COPB1: variants seen among roughly 807,000 people sequenced by gnomAD.
COPB1 encodes the protein coat protein complex I subunit beta 1.
Under a neutral mutation model 108.7 loss-of-function variants are expected in COPB1, and 21 were observed. That is an observed-to-expected ratio of 0.19 (90% CI 0.14 to 0.28). COPB1 has a LOEUF of 0.28. Among genes scored for constraint, COPB1 ranks in the 10% least tolerant of loss-of-function variants. The probability of loss-of-function intolerance (pLI) is 1.00; values close to 1 mark genes in which losing one functional copy is unlikely to be tolerated. For synonymous variants in COPB1, 378 were observed against 386.8 expected, an observed-to-expected ratio of 0.98 and a Z score of 0.27; for missense variants, 919 against 1,141.3, an observed-to-expected ratio of 0.81 and a Z score of 2.81.
At chr11:14,458,447 A>C in intron 21 of COPB1, 85 bp downstream of exon 21, 1 of 1,306,538 alleles carries the variant, frequency 7.7e-7, no homozygotes, top group Admixed American at 2.3e-5. Flanking sequence ...TGCTAAAAAG[A>C]TACTACATAT....
intron 11 of COPB1, among the ~76,000 whole-genome samples, chr11:14,477,393 A>AAAAAAAAAAAAAAAAAAC (rs1565017826): frequency 6.9e-6 from 1 of 144,794 alleles, no homozygotes; most frequent in Non-Finnish European, 1.5e-5. Flanking sequence ...CCGTCTCAAA[A>AAAAAAAAAAAAAAAAAAC]AAAAAAAAAA....
At chr11:14,465,436 G>A (rs1203803704) in intron 17 of COPB1, among the ~76,000 whole-genome samples, 4 of 152,074 alleles carry the variant, frequency 2.6e-5, no homozygotes, top group African/African-American at 9.7e-5. Flanking sequence ...AGGCTCAAGC[G>A]ATCCTCCTAC....
intron 2 of COPB1, among the ~76,000 whole-genome samples, chr11:14,495,969 T>A (rs952660783): frequency 1.3e-5 from 2 of 152,228 alleles, no homozygotes; most frequent in South Asian, 2.1e-4. Flanking sequence ...ATTTTAAATA[T>A]CATAAAACTG....
At chr11:14,484,229 A>G (rs898757525) in intron 7 of COPB1, among the ~76,000 whole-genome samples, 1 of 152,240 alleles carries the variant, frequency 6.6e-6, no homozygotes, top group African/African-American at 2.4e-5. Context: ...AGACTACGAT[A>G]TGACCACTGC....
rs1446984974 is a variant in COPB1 at position 14,457,544 on chromosome 11, C to T, written c.*280G>A. 5.2e-6 allele frequency: 1 copy of T among 192,302 alleles called. No homozygotes were observed. Among genetic ancestry groups the T allele is most frequent in the East Asian group, 1.3e-4 (1 of 7,550 alleles). 11.9% of individuals were successfully genotyped at this position (192,302 alleles called of 1,614,324 possible). On this transcript the variant is annotated 3_prime_UTR_variant, in exon 22 of 22. Transcript: ENST00000439561. ...ATGTAATCATTTATTTATAAAATAACAAAAATTTATGAATAGATCTGTTTA... is the reference window on the plus strand; with the variant it reads ...ATGTAATCATTTATTTATAAAATAATAAAAATTTATGAATAGATCTGTTTA...
At chr11:14,492,669 CTT>C (rs1219437727) in intron 4 of COPB1, among the ~76,000 whole-genome samples, 1 of 152,068 alleles carries the variant, frequency 6.6e-6, no homozygotes, top group East Asian at 1.9e-4. Context: ...CAGAATACCA[CTT>C]TCCTTAATGG....
Position 14,499,784 on chromosome 11 carries a change from C to A in COPB1, c.-135G>T. On this transcript the variant is annotated 5_prime_UTR_variant, in exon 1 of 22. Coordinates refer to ENST00000439561, the MANE Select transcript of COPB1 (RefSeq NM_001144061.2). ...TGGTTTGGTGCAGCCGCGGATCCGTCTACTGCGGCTCCGTCTACTCCGGCT... is the reference window on the plus strand; with the variant it reads ...TGGTTTGGTGCAGCCGCGGATCCGTATACTGCGGCTCCGTCTACTCCGGCT... 1 of 152,976 alleles carries A rather than the reference C, an allele frequency of 6.5e-6. No individual in the cohort carries two copies. The highest frequency in any genetic ancestry group is 1.5e-5 in the Non-Finnish European group (1 of 68,584). The allele number at this position is 152,976 out of a possible 1,614,324, so 9.5% of individuals were successfully genotyped here. A position where few individuals can be genotyped will look rare whatever the true frequency, so the allele number is the denominator to read the frequency against.
At chr11:14,476,152 T>C (rs1157494232) in intron 12 of COPB1, among the ~76,000 whole-genome samples, 1 of 152,240 alleles carries the variant, frequency 6.6e-6, no homozygotes, top group Non-Finnish European at 1.5e-5. Context: ...GTTTGAATTC[T>C]CACTCTGCCA....
intron 8 of COPB1, among the ~76,000 whole-genome samples, chr11:14,482,175 T>C (rs1850674810): frequency 1.3e-5 from 2 of 152,192 alleles, no homozygotes; most frequent in African/African-American, 2.4e-5. Context: ...ATTATAATTA[T>C]CAGAGAATTT....
chr11:14,490,717 G>T, intron 4 of COPB1, 38 bp from the exon 5 acceptor site: 3 of 1,127,860 alleles, frequency 2.7e-6, no homozygotes, highest in South Asian at 1.4e-5. Flanking sequence ...TTTAATAAAA[G>T]CCTACTTTAC....
intron 4 of COPB1, 134 bp downstream of exon 4, chr11:14,493,508 T>C (rs1204644815): frequency 1.5e-6 from 1 of 669,842 alleles, no homozygotes; most frequent in Non-Finnish European, 2.3e-6. Flanking sequence ...ATGTTCATAA[T>C]AAAAAATACA....
Position 14,469,079 on chromosome 11 carries a change from C to T in COPB1, c.1966-219G>A, listed in dbSNP as rs189728127. On this transcript the variant is annotated intron_variant, in intron 15 of 21. Transcript: ENST00000439561. ...GTATGATCACAGCTCACTGCAGCCT[C>T]GAACTCTTAGATTCAAACGATCCTT... 3.6e-3 allele frequency among the ~76,000 whole-genome samples: 555 copies of T among 152,260 alleles called. 9 individuals are homozygous for T. The highest frequency in any genetic ancestry group is 0.01 in the Middle Eastern group (3 of 294).
Position 14,478,375 on chromosome 11 carries a change from G to C in COPB1, c.1358+1194C>G, listed in dbSNP as rs553751571. 4.0e-5 allele frequency among the ~76,000 whole-genome samples: 6 copies of C among 149,024 alleles called. No individual in the cohort carries two copies. The South Asian group carries it at 8.6e-4, about 21-fold the overall frequency. On this transcript the variant is annotated intron_variant, in intron 11 of 21. Coordinates refer to ENST00000439561, the MANE Select transcript of COPB1 (RefSeq NM_001144061.2). ...GGATTGCTTTAGTCCAGGAGTTCGA[G>C]ACCAGCCTGGGCAACAAAGCAAGGC...
At chr11:14,458,457 T>C in intron 21 of COPB1, 75 bp downstream of exon 21, 3 of 1,396,570 alleles carry the variant, frequency 2.1e-6, no homozygotes, top group South Asian at 2.9e-5. Context: ...ATACTACATA[T>C]AGAAATAATA....
chr11:14,477,896 CA>C (rs1289045044), intron 11 of COPB1, among the ~76,000 whole-genome samples: 3,265 of 59,924 alleles, frequency 0.054, 32 homozygotes, highest in Middle Eastern at 0.16. Flanking sequence ...GACTCCATCT[CA>C]AAAAAAAAAA....
At chr11:14,498,734 G>C (rs1253534585) in intron 2 of COPB1, 104 bp downstream of exon 2, 4 of 897,652 alleles carry the variant, frequency 4.5e-6, no homozygotes, top group Non-Finnish European at 6.5e-6. Flanking sequence ...AAAAACTTTA[G>C]ACAAAAATTA....
In COPB1 at chr11:14,497,276, T is replaced by C. The variant is rs1407043703; in HGVS notation, c.91+1562A>G. Among the ~76,000 whole-genome samples, 4 of 151,930 alleles carry C rather than the reference T, an allele frequency of 2.6e-5. No individual in the cohort carries two copies. The East Asian group carries it at 7.7e-4, about 29-fold the overall frequency. ...ACAACCCACAGAATGGGAGAAAATA[T>C]GTGCTAACTACCTATCTCACAAGGG... On this transcript the variant is annotated intron_variant, in intron 2 of 21. Coordinates refer to ENST00000439561, the MANE Select transcript of COPB1 (RefSeq NM_001144061.2).
chr11:14,464,651 T>C (rs563173594), intron 18 of COPB1, among the ~76,000 whole-genome samples: 1 of 152,198 alleles, frequency 6.6e-6, no homozygotes, highest in Non-Finnish European at 1.5e-5. Context: ...TAAACCAACC[T>C]GTAACACACT....
chr11:14,499,434 C>A (rs1450157), intron 1 of COPB1, among the ~76,000 whole-genome samples: 1 of 151,896 alleles, frequency 6.6e-6, no homozygotes, highest in African/African-American at 2.4e-5. Flanking sequence ...CTCGCCCCAC[C>A]CGCTTCCTCC....
Sources: gnomAD v4.1 joint callset for allele counts (sites outside exome capture counted in the v4.1 genomes callset) on GRCh38, gnomAD v4.1.1 for gene constraint, MANE v1.5 for transcripts, NCBI Gene and HGNC (gene_info 2026-07-23, HGNC 2026-07-21) for gene names.